SETX: variants seen among roughly 807,000 people sequenced by gnomAD.
The protein encoded by SETX is helicase senataxin.
Under a neutral mutation model 227.2 loss-of-function variants are expected in SETX, and 90 were observed. The observed-to-expected ratio is 0.40, with a 90% CI of 0.33 to 0.47. The LOEUF (loss-of-function observed/expected upper bound fraction) is 0.47. Among genes scored for constraint, SETX ranks in the 20% least tolerant of loss-of-function variants. The probability of loss-of-function intolerance (pLI) is 0.91; values close to 1 mark genes in which losing one functional copy is unlikely to be tolerated. For synonymous variants in SETX, 1,210 were observed against 1,113.2 expected, an observed-to-expected ratio of 1.09 and a Z score of -1.73; for missense variants, 3,052 against 3,181.5, an observed-to-expected ratio of 0.96 and a Z score of 0.98.
chr9:132,278,328 T>C, intron 20 of SETX, 71 bp from the exon 21 acceptor site: 2 of 1,492,188 alleles, frequency 1.3e-6, no homozygotes, highest in South Asian at 1.1e-5. Flanking sequence ...ATAAACACAA[T>C]TACTGAGATC....
chr9:132,347,773 G>T (rs190953038), intron 3 of SETX, among the ~76,000 whole-genome samples: 3 of 151,968 alleles, frequency 2.0e-5, no homozygotes, highest in Non-Finnish European at 4.4e-5. Flanking sequence ...CTACCTTAGT[G>T]CAGCTTGTGG....
At chr9:132,306,745 G>A (rs1057376705) in intron 11 of SETX, among the ~76,000 whole-genome samples, 11 of 151,984 alleles carry the variant, frequency 7.2e-5, no homozygotes, top group African/African-American at 2.7e-4. Flanking sequence ...TTGTTATGTT[G>A]CCTGGGCTAG....
At chr9:132,343,898 C>G (rs1848136894) in intron 4 of SETX, among the ~76,000 whole-genome samples, 1 of 152,080 alleles carries the variant, frequency 6.6e-6, no homozygotes, top group South Asian at 2.1e-4. Flanking sequence ...TCAGAAAAAT[C>G]CATAAAGTAT....
At chr9:132,343,970 G>C (rs76795305) in intron 4 of SETX, among the ~76,000 whole-genome samples, 1 of 152,110 alleles carries the variant, frequency 6.6e-6, no homozygotes, top group Admixed American at 6.5e-5. Context: ...CCAAAAAAAA[G>C]ATGAGGGCAC....
At chr9:132,267,472 G>A (rs1397884219) in intron 25 of SETX, among the ~76,000 whole-genome samples, 1 of 152,220 alleles carries the variant, frequency 6.6e-6, no homozygotes, top group East Asian at 1.9e-4. Flanking sequence ...GTTTCTCAGA[G>A]GAAATCAAAC....
chr9:132,351,577 G>C (rs948189187), intron 2 of SETX, among the ~76,000 whole-genome samples: 81 of 152,258 alleles, frequency 5.3e-4, no homozygotes, highest in African/African-American at 1.8e-3. Context: ...GGAGAATACT[G>C]CTGCAGAGCA....
In SETX at chr9:132,342,729, A is replaced by G. The variant is rs774939461; in HGVS notation, c.459T>C (p.His153=). Residue 153 remains histidine (H), a synonymous_variant, in exon 5 of 26, where the codon CAT becomes CAC. Coordinates refer to ENST00000224140, the MANE Select transcript of SETX (RefSeq NM_015046.7). ...ANCSFQVFDK[H]PGIYLFLVHP... ...GGACTAAAAACAAATAGATCCCTGG[A>G]TGTTTATCAAACACCTGAAAGGAGC... 4 of 1,614,040 alleles carry G rather than the reference A, an allele frequency of 2.5e-6. No individual in the cohort carries two copies. The South Asian group carries it at 4.4e-5, about 18-fold the overall frequency.
rs1380044448 is a variant in SETX at position 132,288,365 on chromosome 9, CAAAT to C, written c.6209-18_6209-15del. The C allele has an allele frequency of 6.3e-7, 1 of 1,580,258 alleles. No homozygotes were observed. Among genetic ancestry groups the C allele is most frequent in the South Asian group, 1.1e-5 (1 of 89,268 alleles). ...GTAACTCTTTTTCTAATAAAAATAA[CAAAT>C]AAAAAATTATATGCTATTCTAATTC... On this transcript the variant is annotated splice_polypyrimidine_tract_variant and intron_variant, in intron 16 of 25. Transcript: ENST00000224140.
chr9:132,288,454 C>T, intron 16 of SETX, 96 bp downstream of exon 16: 1 of 1,410,532 alleles, frequency 7.1e-7, no homozygotes, highest in Non-Finnish European at 9.9e-7. Flanking sequence ...CAAAGCCAGA[C>T]TAATTCTGGA....
At position 132,330,377 on chromosome 9, in the gene SETX, T is replaced by C. The variant is rs377618570; in HGVS notation, c.1221A>G (p.Thr407=). 138 of 1,614,060 alleles carry C rather than the reference T, an allele frequency of 8.5e-5. 1 individual carries two copies. Among genetic ancestry groups the C allele is most frequent in the Non-Finnish European group, 1.0e-4 (123 of 1,180,032 alleles). Residue 407 remains threonine, a synonymous_variant, in exon 10 of 26, where the codon ACA becomes ACG. Transcript: ENST00000224140. ...GGACAAAAGGGATGAACCATAGAAA[T>C]GTGCTGTTATGAACACGCATGTCTT... ...IGQDMRVHNS[T]FLWFIPFVQS...
In SETX at chr9:132,326,948, C is replaced by T; in HGVS notation, c.4650G>A (p.Lys1550=). The T allele has an allele frequency of 7.4e-6, 12 of 1,614,204 alleles. No homozygotes were observed. Among genetic ancestry groups the T allele is most frequent in the Non-Finnish European group, 1.0e-5 (12 of 1,180,038 alleles). ...QLESLSGTKC[K]YKDCLETTKN... ...TTGTGGTTTCAAGACAATCTTTGTACTTACACTTTGTGCCACTCAAAGATT... is the reference window on the plus strand; with the variant it reads ...TTGTGGTTTCAAGACAATCTTTGTATTTACACTTTGTGCCACTCAAAGATT... Residue 1550 remains lysine (K), a synonymous_variant, in exon 10 of 26, where the codon AAG becomes AAA. Coordinates refer to ENST00000224140, the MANE Select transcript of SETX (RefSeq NM_015046.7).
chr9:132,311,663 G>A, intron 11 of SETX, 94 bp downstream of exon 11: 2 of 860,852 alleles, frequency 2.3e-6, no homozygotes, highest in South Asian at 2.9e-5. Flanking sequence ...TAGAAAATTT[G>A]TGTCCCCCTA....
chr9:132,278,829 G>A (rs1357164095), intron 20 of SETX, among the ~76,000 whole-genome samples: 1 of 152,200 alleles, frequency 6.6e-6, no homozygotes, highest in African/African-American at 2.4e-5. Context: ...GAATGCCACT[G>A]TAAACAAGCC....
chr9:132,285,436 T>C (rs1486648018), intron 18 of SETX, among the ~76,000 whole-genome samples: 1 of 152,142 alleles, frequency 6.6e-6, no homozygotes, highest in Admixed American at 6.5e-5. Context: ...CATAACAATT[T>C]AAAATGTAAC....
chr9:132,305,426 T>TA (rs1391865265), intron 11 of SETX, among the ~76,000 whole-genome samples: 16 of 151,136 alleles, frequency 1.1e-4, no homozygotes, highest in Non-Finnish European at 1.8e-4. Context: ...AATTTTTTTT[T>TA]AAAAAGGACA....
chr9:132,278,794 G>T (rs1212353798), intron 20 of SETX, among the ~76,000 whole-genome samples: 1 of 152,116 alleles, frequency 6.6e-6, no homozygotes, highest in Admixed American at 6.5e-5. Context: ...ATTTCTGGGG[G>T]TACACCCTCA....
Position 132,349,351 on chromosome 9 carries a change from C to T in SETX, c.78G>A (p.Pro26=), listed in dbSNP as rs139972421. Residue 26 remains proline, a synonymous_variant, in exon 3 of 26, where the codon CCG becomes CCA. Transcript: ENST00000224140. ...DFLKRYASNT[P]SGEFQTADED... is the part of the protein sequence containing the mutation. ...CGTCGGCTGTTTGAAATTCACCGGA[C>T]GGAGTGTTGGAAGCATAGCGCTTTA... 277 of 1,613,920 alleles carry T rather than the reference C, an allele frequency of 1.7e-4. 1 individual carries two copies. The highest frequency in any genetic ancestry group is 2.2e-4 in the Non-Finnish European group (259 of 1,180,024).
chr9:132,329,084 T>C lies in SETX; in HGVS notation c.2514A>G (p.Ile838Met), dbSNP rs1847048237. 1.9e-6 allele frequency: 3 copies of C among 1,610,220 alleles called. No homozygotes were observed. Among genetic ancestry groups the C allele is most frequent in the South Asian group, 2.2e-5 (2 of 90,774 alleles). The change falls in exon 10 of 26, where the codon ATA becomes ATG. Residue 838 changes from isoleucine (I) to methionine (M), a missense_variant. Around this residue, in one of 10 missense-constraint regions of SETX, gnomAD observed 1,483 missense variants for 1,312.0 expected, o/e 1.13. Coordinates refer to ENST00000224140, the MANE Select transcript of SETX (RefSeq NM_015046.7). ...CACTAGGGTCTAAAGAAAGATTGTG[T>C]ATGAAACCATCTCCTTTCTGAACTC... is the stretch of plus-strand genomic sequence containing the variant. ...DTGVQKGDGF[I>M]HNLSLDPSGV...
intron 3 of SETX, among the ~76,000 whole-genome samples, chr9:132,348,426 A>G (rs1848432058): frequency 6.6e-6 from 1 of 151,746 alleles, no homozygotes; most frequent in African/African-American, 2.4e-5. Flanking sequence ...TCAGATACTC[A>G]GATACATGCA....
Sources: allele counts gnomAD v4.1 joint callset (sites outside exome capture counted in the v4.1 genomes callset), GRCh38; gene constraint gnomAD v4.1.1; regional missense constraint gnomAD v4.1.1; transcripts MANE v1.5; gene names NCBI Gene and HGNC (gene_info 2026-07-23, HGNC 2026-07-21).